Variants in CHD2 observed in about 807,000 individuals in gnomAD.
CHD2 encodes chromodomain helicase DNA binding protein 2, also known as ATP-dependent chromatin remodeler CHD2.
CHD2 carries 28 observed loss-of-function variants against 243.9 expected under a neutral mutation model. The observed-to-expected ratio is 0.11, with a 90% confidence interval of 0.09 to 0.16. The LOEUF (loss-of-function observed/expected upper bound fraction) is 0.16, where lower values mean the gene tolerates loss of function less well. Among genes scored for constraint, CHD2 ranks in the 10% least tolerant of loss-of-function variants. CHD2 has a pLI of 1.00. For synonymous variants in CHD2, 775 were observed against 779.0 expected (o/e 0.99, Z 0.09); for missense variants, 1,386 against 2,209.8 (o/e 0.63, Z 7.47).
rs1488871836 is a variant in CHD2 at position 92,941,825 on chromosome 15, C to T, written c.696C>T (p.Tyr232=). 1.2e-6 allele frequency: 2 copies of T among 1,612,632 alleles called. No individual in the cohort carries two copies. Among genetic ancestry groups the T allele is most frequent in the Admixed American group, 1.7e-5 (1 of 59,774 alleles). The change falls in exon 8 of 39, where the codon TAC becomes TAT. Residue 232 remains tyrosine, a synonymous_variant. Transcript: ENST00000394196. ...TRRRAAKNVS[Y]KEDDDFETDS... is the part of the protein sequence containing the mutation. ...TTCAGCATTATTCCTCTTGCAGTTA[C>T]AAAGAAGATGATGACTTTGAGACTG...
chr15:93,017,584 T>C (rs1469935241), intron 37 of CHD2, among the ~76,000 whole-genome samples: 1 of 147,416 alleles, frequency 6.8e-6, no homozygotes, highest in Admixed American at 7.1e-5. Flanking sequence ...TGACCTCAGG[T>C]GATCCATTCG....
At position 92,998,489 on chromosome 15, in the gene CHD2, C is replaced by T. The variant is rs1367803394; in HGVS notation, c.3886-10C>T. 3.1e-6 allele frequency: 5 copies of T among 1,613,568 alleles called. No individual in the cohort carries two copies. The highest frequency in any genetic ancestry group is 4.2e-6 in the Non-Finnish European group (5 of 1,179,776). ...TGGTGGCGGGTGCTTCTCTTCCTTTCTTGTTGAAGATTCTGCCGGTGGAGA... is the reference window on the plus strand; with the variant it reads ...TGGTGGCGGGTGCTTCTCTTCCTTTTTTGTTGAAGATTCTGCCGGTGGAGA... On this transcript the variant is annotated splice_polypyrimidine_tract_variant and intron_variant, in intron 30 of 38. Coordinates refer to ENST00000394196, the MANE Select transcript of CHD2 (RefSeq NM_001271.4). This position sits in a 1 kb window ranked among gnomAD's most constrained non-coding sequence, Gnocchi z 5.1.
chr15:92,907,728 A>G (rs2052648399), intron 2 of CHD2, among the ~76,000 whole-genome samples: 1 of 152,230 alleles, frequency 6.6e-6, no homozygotes, highest in Admixed American at 6.5e-5. Context: ...TGCTTAGCAA[A>G]GAGCCCATCA....
chr15:92,996,874 A>C, intron 28 of CHD2, 83 bp from the exon 29 acceptor site: 5 of 1,323,166 alleles, frequency 3.8e-6, no homozygotes, highest in Non-Finnish European at 5.2e-6. Context: ...AGAGAGACTA[A>C]GAGGTCAGGG....
At position 92,984,407 on chromosome 15, in the gene CHD2, A is replaced by G. The variant is rs2054015327; in HGVS notation, c.3144A>G (p.Pro1048=). ...ACAAGGACTGGGATGAGATCATTCC[A>G]GAGGAACAAAGGAAAAAAGTAGAGG... ...RPHKDWDEII[P]EEQRKKVEEE... is the part of the protein sequence containing the mutation. The change falls in exon 25 of 39, where the codon CCA becomes CCG. Residue 1048 remains proline (P), a synonymous_variant. Coordinates refer to ENST00000394196, the MANE Select transcript of CHD2 (RefSeq NM_001271.4). The G allele has an allele frequency of 2.5e-6, 4 of 1,612,220 alleles. No homozygotes were observed. The highest frequency in any genetic ancestry group is 3.4e-6 in the Non-Finnish European group (4 of 1,179,084).
chr15:92,901,404 T>A, intron 2 of CHD2, 105 bp downstream of exon 2: 1 of 724,338 alleles, frequency 1.4e-6, no homozygotes, highest in Non-Finnish European at 2.4e-6. Flanking sequence ...TGTTTTATTG[T>A]GTTTTTCTAA....
intron 3 of CHD2, 68 bp from the exon 4 acceptor site, chr15:92,927,176 A>G: frequency 8.9e-7 from 1 of 1,125,772 alleles, no homozygotes; most frequent in Non-Finnish European, 1.3e-6. Flanking sequence ...CTTCAATTGC[A>G]ATAAACGTTT....
At chr15:93,013,564 G>T (rs1051767739) in intron 36 of CHD2, among the ~76,000 whole-genome samples, 7 of 152,192 alleles carry the variant, frequency 4.6e-5, no homozygotes, top group African/African-American at 1.7e-4. Flanking sequence ...TTGCTTCCAG[G>T]AATTTAGTTT....
At chr15:92,979,526 T>C (rs905819338) in intron 22 of CHD2, among the ~76,000 whole-genome samples, 2 of 152,192 alleles carry the variant, frequency 1.3e-5, no homozygotes, top group African/African-American at 4.8e-5. Context: ...TTTTGGCTGC[T>C]CATGTGACAT....
intron 3 of CHD2, among the ~76,000 whole-genome samples, chr15:92,925,024 C>T (rs1315196314): frequency 6.6e-6 from 1 of 152,168 alleles, no homozygotes; most frequent in African/African-American, 2.4e-5. Context: ...TGGTCTTGAA[C>T]TTCTGACCTC....
chr15:92,995,813 A>G (rs577909618), intron 28 of CHD2, among the ~76,000 whole-genome samples: 9 of 152,330 alleles, frequency 5.9e-5, no homozygotes, highest in South Asian at 4.1e-4. Context: ...ATGCGTATAT[A>G]CTTTGCTTCG....
chr15:92,945,757 A>T, intron 10 of CHD2, 64 bp from the exon 11 acceptor site: 1 of 1,080,288 alleles, frequency 9.3e-7, no homozygotes, highest in South Asian at 1.7e-5. Context: ...TTATTCATAG[A>T]ACCCAAAATC....
Position 93,024,354 on chromosome 15 carries a change from C to A in CHD2, c.5154-18C>A. 1 of 1,603,256 alleles carries A rather than the reference C, an allele frequency of 6.2e-7. No individual in the cohort carries two copies. Among genetic ancestry groups the A allele is most frequent in the South Asian group, 1.1e-5 (1 of 89,938 alleles). On this transcript the variant is annotated intron_variant, in intron 38 of 38. Coordinates refer to ENST00000394196, the MANE Select transcript of CHD2 (RefSeq NM_001271.4). ...TCTGGCTTCAGTCTTTCGACTAATC[C>A]TTGCATCTCTATTTCAGGCACCATC...
chr15:92,919,638 A>G (rs1348383669), intron 2 of CHD2, among the ~76,000 whole-genome samples: 1 of 151,864 alleles, frequency 6.6e-6, no homozygotes. Flanking sequence ...TGATCTTCCC[A>G]TCTCAGCCTC....
At chr15:92,937,075 T>A (rs2053278908) in intron 5 of CHD2, among the ~76,000 whole-genome samples, 1 of 152,168 alleles carries the variant, frequency 6.6e-6, no homozygotes, top group African/African-American at 2.4e-5. Context: ...ATTGCTCAGC[T>A]TGGTCTTGAG....
chr15:92,946,400 A>C, intron 12 of CHD2, 184 bp downstream of exon 12: 1 of 442,072 alleles, frequency 2.3e-6, no homozygotes, highest in Non-Finnish European at 4.0e-6. Context: ...GGCTTTGCTG[A>C]CTTGTTTAAT....
chr15:93,009,129 TG>T lies in CHD2; in HGVS notation c.4414-15del. ...CTGCAGATTGTTTATGTCTTTACTC[TG>T]TTGTCCTGTTGCAGTGTAAGGAGAG... On this transcript the variant is annotated splice_polypyrimidine_tract_variant and intron_variant, in intron 34 of 38. Coordinates refer to ENST00000394196, the MANE Select transcript of CHD2 (RefSeq NM_001271.4). The T allele has an allele frequency of 6.2e-7, 1 of 1,613,416 alleles. No individual in the cohort carries two copies. The highest frequency in any genetic ancestry group is 1.1e-5 in the South Asian group (1 of 91,022).
Position 92,967,308 on chromosome 15 carries a change from T to A in CHD2, c.2001-17T>A. 6.3e-7 allele frequency: 1 copy of A among 1,585,688 alleles called. No individual in the cohort carries two copies. The highest frequency in any genetic ancestry group is 8.6e-7 in the Non-Finnish European group (1 of 1,161,592). ...TCCTCAATGTGGCTAAATAACACTA[T>A]ACTGTTTCTTCCCTAGGTTTGAATT... On this transcript the variant is annotated splice_polypyrimidine_tract_variant and intron_variant, in intron 16 of 38. Coordinates refer to ENST00000394196, the MANE Select transcript of CHD2 (RefSeq NM_001271.4).
At chr15:92,916,227 C>T (rs1008734096) in intron 2 of CHD2, among the ~76,000 whole-genome samples, 14 of 134,554 alleles carry the variant, frequency 1.0e-4, no homozygotes, top group Non-Finnish European at 2.1e-4. Context: ...CCCCATCACC[C>T]TGGGCACATA....
Sources: allele counts gnomAD v4.1 joint callset (sites outside exome capture counted in the v4.1 genomes callset), GRCh38; gene constraint gnomAD v4.1.1; non-coding constraint Gnocchi (gnomAD v3.1); transcripts MANE v1.5; gene names NCBI Gene and HGNC (gene_info 2026-07-23, HGNC 2026-07-21).